Variants in DLGAP2 observed in about 807,000 individuals in gnomAD.
DLGAP2 encodes the protein DLG associated protein 2.
A neutral mutation model predicts 100.3 loss-of-function variants in DLGAP2; 26 were observed. That is an observed-to-expected ratio of 0.26 (90% CI 0.19 to 0.36). DLGAP2 has a LOEUF of 0.36. Among genes scored for constraint, DLGAP2 ranks in the 10% least tolerant of loss-of-function variants. The pLI is 1.00. For missense variants in DLGAP2, 1,858 were observed against 1,453.2 expected (o/e 1.28, Z -4.53); for synonymous variants, 886 against 630.1 (o/e 1.41, Z -6.08).
At chr8:1,422,077 G>A (rs569291197) in intron 3 of DLGAP2, among the ~76,000 whole-genome samples, 5 of 152,198 alleles carry the variant, frequency 3.3e-5, no homozygotes, top group Admixed American at 2.6e-4. Flanking sequence ...GGGCGAGGCT[G>A]CGTTTGTTAC....
In DLGAP2 at chr8:1,327,674, C is replaced by G. The variant is rs78402188; in HGVS notation, c.106+68791C>G. Among the ~76,000 whole-genome samples the G allele has an allele frequency of 2.7e-3, 411 of 152,178 alleles. 10 individuals carry two copies. In the East Asian group the frequency reaches 0.062, roughly 23 times the overall value. ...CCTGACTAACACCATGAAACCCCATCTCTACTAAAAATACAAAAAACTATC... is the reference window on the plus strand; with the variant it reads ...CCTGACTAACACCATGAAACCCCATGTCTACTAAAAATACAAAAAACTATC... On this transcript the variant is annotated intron_variant, in intron 3 of 14. Coordinates refer to ENST00000637795, the MANE Select transcript of DLGAP2 (RefSeq NM_001346810.2).
chr8:1,482,669 G>T (rs1481049880), intron 3 of DLGAP2, among the ~76,000 whole-genome samples: 1 of 152,202 alleles, frequency 6.6e-6, no homozygotes, highest in Admixed American at 6.5e-5. Context: ...GTCCCTGCGC[G>T]GTGGTTCCCA....
rs550939459 is a variant in DLGAP2, at chr8:1,160,335, T to A, written c.74-98516T>A. ...TGGTTAGCAGGGTCCTTCTGGAGAG[T>A]CTGAGGATCAGCCCCGCCCCAAACT... On this transcript the variant is annotated intron_variant, in intron 2 of 14. Transcript: ENST00000637795. Among the ~76,000 whole-genome samples, 223 of 151,822 alleles carry A rather than the reference T, an allele frequency of 1.5e-3. 1 individual carries two copies. The highest frequency in any genetic ancestry group is 1.9e-3 in the Non-Finnish European group (126 of 67,930).
chr8:1,126,538 C>G (rs1253046611), intron 2 of DLGAP2, among the ~76,000 whole-genome samples: 1 of 151,874 alleles, frequency 6.6e-6, no homozygotes, highest in South Asian at 2.1e-4. Context: ...AGGCAGAGAT[C>G]AGGCTGGGAG....
chr8:1,408,735 G>C (rs1340452987), intron 3 of DLGAP2, among the ~76,000 whole-genome samples: 1 of 152,212 alleles, frequency 6.6e-6, no homozygotes, highest in African/African-American at 2.4e-5. Flanking sequence ...GGTGAAAGCA[G>C]AACCCGGGAA....
chr8:982,058 G>A (rs1189868854), intron 2 of DLGAP2, among the ~76,000 whole-genome samples: 3 of 152,188 alleles, frequency 2.0e-5, no homozygotes, highest in African/African-American at 4.8e-5. Context: ...GGCTAACCAT[G>A]TCTCCTCTGC....
intron 2 of DLGAP2, among the ~76,000 whole-genome samples, chr8:1,237,274 C>G (rs1233107189): frequency 1.6e-4 from 22 of 140,348 alleles, no homozygotes; most frequent in Non-Finnish European, 2.4e-4. Context: ...GTCTAGATCT[C>G]TCTCACACAT....
intron 1 of DLGAP2, among the ~76,000 whole-genome samples, chr8:809,561 A>G (rs1438288170): frequency 6.6e-6 from 1 of 151,602 alleles, no homozygotes; most frequent in Non-Finnish European, 1.5e-5. Context: ...TGGTTACTTG[A>G]TGGTGTGGCA....
chr8:1,514,066 A>G (rs1459068998), intron 4 of DLGAP2, among the ~76,000 whole-genome samples: 1 of 152,238 alleles, frequency 6.6e-6, no homozygotes, highest in Non-Finnish European at 1.5e-5. Context: ...CTGAGCGCCC[A>G]CCACTCTGGA....
chr8:1,635,717 C>T (rs1204614294), intron 8 of DLGAP2, among the ~76,000 whole-genome samples: 1 of 152,140 alleles, frequency 6.6e-6, no homozygotes, highest in East Asian at 1.9e-4. Flanking sequence ...GATTATTTCA[C>T]CTTGTATAAC....
chr8:1,022,704 C>T (rs1363799781), intron 2 of DLGAP2, among the ~76,000 whole-genome samples: 3 of 151,542 alleles, frequency 2.0e-5, no homozygotes. Context: ...CCCACCCTCC[C>T]TGGGGGTGGA....
intron 1 of DLGAP2, among the ~76,000 whole-genome samples, chr8:835,407 C>G (rs967713622): frequency 6.6e-6 from 1 of 151,926 alleles, no homozygotes; most frequent in African/African-American, 2.4e-5. Context: ...GTGACGACAT[C>G]GCTCCCAGGC....
chr8:1,275,654 G>C (rs1008971600), intron 3 of DLGAP2, among the ~76,000 whole-genome samples: 1 of 146,690 alleles, frequency 6.8e-6, no homozygotes, highest in African/African-American at 2.5e-5. Flanking sequence ...CTCACTCTAG[G>C]GCTTCTGGAA....
chr8:1,425,873 C>T (rs975401182), intron 3 of DLGAP2, among the ~76,000 whole-genome samples: 1 of 152,074 alleles, frequency 6.6e-6, no homozygotes, highest in Non-Finnish European at 1.5e-5. Flanking sequence ...GGAATGCGGA[C>T]TGGAGCTTGG....
chr8:1,110,464 C>T (rs1454571413), intron 2 of DLGAP2, among the ~76,000 whole-genome samples: 3 of 149,590 alleles, frequency 2.0e-5, no homozygotes, highest in Non-Finnish European at 4.4e-5. Context: ...GTGGGGTGTG[C>T]ATGGGTCTGT....
At chr8:1,479,362 C>T (rs576896071) in intron 3 of DLGAP2, among the ~76,000 whole-genome samples, 6 of 152,314 alleles carry the variant, frequency 3.9e-5, no homozygotes, top group South Asian at 2.1e-4. Flanking sequence ...ACTCTGGGGA[C>T]GAAAGTGACC....
rs939648889 is a variant in DLGAP2, at chr8:1,607,393, C to G, written c.1443-19347C>G. On this transcript the variant is annotated intron_variant, in intron 6 of 14. Coordinates refer to ENST00000637795, the MANE Select transcript of DLGAP2 (RefSeq NM_001346810.2). ...AGGATTTCCATAATGCTCATCACAT[C>G]TGTTCTGACGTTTAAGTCACTGTCC... 3.9e-5 allele frequency among the ~76,000 whole-genome samples: 6 copies of G among 152,324 alleles called. No homozygotes were observed. The South Asian group carries it at 1.2e-3, about 32-fold the overall frequency.
chr8:1,576,799 G>A lies in DLGAP2; in HGVS notation c.1442+10905G>A, dbSNP rs897206121. Among the ~76,000 whole-genome samples, 3 of 152,148 alleles carry A rather than the reference G, an allele frequency of 2.0e-5. No individual in the cohort carries two copies. The East Asian group carries it at 5.8e-4, about 29-fold the overall frequency. On this transcript the variant is annotated intron_variant, in intron 6 of 14. Transcript: ENST00000637795. ...TAGATGTGTGGTATTATTTCTGAGG[G>A]CTCTGTTCTGTTCCATTGGTCTATA...
At chr8:1,452,232 G>C (rs955454231) in intron 3 of DLGAP2, among the ~76,000 whole-genome samples, 1 of 152,150 alleles carries the variant, frequency 6.6e-6, no homozygotes, top group Non-Finnish European at 1.5e-5. Context: ...TGGGTGTTCT[G>C]TGGCTGCGTG....
Sources: gnomAD v4.1 joint callset for allele counts (sites outside exome capture counted in the v4.1 genomes callset) on GRCh38, gnomAD v4.1.1 for gene constraint, MANE v1.5 for transcripts, NCBI Gene and HGNC (gene_info 2026-07-23, HGNC 2026-07-21) for gene names.